Variants in RNF144A observed in about 807,000 individuals in gnomAD.
RNF144A encodes the protein ring finger protein 144A.
Under a neutral mutation model 38.7 loss-of-function variants are expected in RNF144A, and 11 were observed. That is an observed-to-expected ratio of 0.28 (90% CI 0.18 to 0.47). The LOEUF (loss-of-function observed/expected upper bound fraction) is 0.47. Among genes scored for constraint, RNF144A ranks in the 20% least tolerant of loss-of-function variants. The pLI, the probability that RNF144A is intolerant of heterozygous loss-of-function variation, is 0.99. For synonymous variants in RNF144A, 149 were observed against 143.9 expected (o/e 1.04, Z -0.25); for missense variants, 316 against 377.2 (o/e 0.84, Z 1.34).
At chr2:7,030,043 A>T in intron 7 of RNF144A, 83 bp from the exon 8 acceptor site, 1 of 947,710 alleles carries the variant, frequency 1.1e-6, no homozygotes, top group Non-Finnish European at 1.7e-6. Context: ...AGCATAGGAG[A>T]AGAAATGCAT....
chr2:6,989,305 C>T (rs968381770), intron 2 of RNF144A, among the ~76,000 whole-genome samples: 2 of 151,930 alleles, frequency 1.3e-5, no homozygotes, highest in African/African-American at 4.8e-5. Flanking sequence ...TTATCTGAGA[C>T]CTTCCACTCC....
At position 7,040,833 on chromosome 2, in the gene RNF144A, C is replaced by G. The variant is rs1252330537; in HGVS notation, c.*1073C>G. 1.0e-6 allele frequency: 1 copy of G among 985,336 alleles called. No homozygotes were observed. The highest frequency in any genetic ancestry group is 1.2e-6 in the Non-Finnish European group (1 of 829,942). The allele number at this position is 985,336 out of a possible 1,614,324, so 61.0% of individuals were successfully genotyped here. A position where few individuals can be genotyped will look rare whatever the true frequency, so the allele number is the denominator to read the frequency against. On this transcript the variant is annotated 3_prime_UTR_variant, in exon 9 of 9. Coordinates refer to ENST00000320892, the MANE Select transcript of RNF144A (RefSeq NM_014746.6). ...CTAGTCATTTTGAGAAATCATATAT[C>G]TTACACAGTTCCAAGTCCTGTTGCT... is the stretch of plus-strand genomic sequence containing the variant.
chr2:7,049,589 A>G (rs1047306398), intron 6 of RNF144A, among the ~76,000 whole-genome samples: 2 of 152,252 alleles, frequency 1.3e-5, no homozygotes, highest in Non-Finnish European at 2.9e-5. Flanking sequence ...ATGAGGTTGC[A>G]GTCAGAGTGG....
In RNF144A at chr2:7,043,362, C is replaced by G; in HGVS notation, c.*3602C>G. ...GAAGTCATTTTACAAATTAAAAAAA[C>G]ATTTTTTTCTTGGTAGTCTTTAAAA... On this transcript the variant is annotated 3_prime_UTR_variant, in exon 9 of 9. Transcript: ENST00000320892. 3.0e-6 allele frequency: 3 copies of G among 984,842 alleles called. No individual in the cohort carries two copies. The highest frequency in any genetic ancestry group is 3.6e-6 in the Non-Finnish European group (3 of 829,382). 61.0% of individuals were successfully genotyped at this position (984,842 alleles called of 1,614,324 possible).
At chr2:6,980,454 G>C (rs936053148) in intron 2 of RNF144A, among the ~76,000 whole-genome samples, 2 of 152,236 alleles carry the variant, frequency 1.3e-5, no homozygotes, top group Non-Finnish European at 2.9e-5. Context: ...CAAAACAAGG[G>C]GGCCAGAGGC....
Position 7,041,219 on chromosome 2 carries a change from G to T in RNF144A, c.*1459G>T. The T allele has an allele frequency of 1.0e-6, 1 of 985,310 alleles. No homozygotes were observed. The highest frequency in any genetic ancestry group is 1.2e-6 in the Non-Finnish European group (1 of 829,780). 61.0% of individuals were successfully genotyped at this position (985,310 alleles called of 1,614,324 possible). A position where few individuals can be genotyped will look rare whatever the true frequency, so the allele number is the denominator to read the frequency against. ...CAAAATCCTTTTATCTCAGTTATTT[G>T]CCCATCACAAGCACATTTTTAAAAT... On this transcript the variant is annotated 3_prime_UTR_variant, in exon 9 of 9. Coordinates refer to ENST00000320892, the MANE Select transcript of RNF144A (RefSeq NM_014746.6).
intron 8 of RNF144A, among the ~76,000 whole-genome samples, chr2:7,035,890 A>G (rs1051825876): frequency 2.0e-5 from 3 of 152,240 alleles, no homozygotes; most frequent in African/African-American, 7.2e-5. Context: ...TCTTTGTTGC[A>G]TAAAGTTATT....
intron 1 of RNF144A, among the ~76,000 whole-genome samples, chr2:6,924,596 G>A (rs1664746937): frequency 6.6e-6 from 1 of 152,200 alleles, no homozygotes; most frequent in Admixed American, 6.5e-5. Flanking sequence ...CAGGGCTGTT[G>A]GATGAACGCT....
chr2:6,971,040 G>T (rs1431800374), intron 2 of RNF144A, among the ~76,000 whole-genome samples: 1 of 152,034 alleles, frequency 6.6e-6, no homozygotes, highest in Non-Finnish European at 1.5e-5. Flanking sequence ...TTTTCTTTTT[G>T]CAAAGTGTAA....
intron 1 of RNF144A, among the ~76,000 whole-genome samples, chr2:6,934,474 A>G (rs1398315054): frequency 6.6e-6 from 1 of 152,222 alleles, no homozygotes; most frequent in African/African-American, 2.4e-5. Flanking sequence ...TTTTCCAAAT[A>G]GAAATATTAT....
intron 3 of RNF144A, among the ~76,000 whole-genome samples, chr2:7,000,196 T>C (rs546528158): frequency 6.6e-6 from 1 of 152,336 alleles, no homozygotes; most frequent in South Asian, 2.1e-4. Context: ...AGCTTGGGGA[T>C]GATGAGAGCT....
At chr2:6,968,975 T>C (rs1667837734) in intron 2 of RNF144A, among the ~76,000 whole-genome samples, 1 of 152,158 alleles carries the variant, frequency 6.6e-6, no homozygotes. Flanking sequence ...GAGCGCAGCA[T>C]GTGGTCTCAG....
intron 2 of RNF144A, among the ~76,000 whole-genome samples, chr2:6,979,684 G>A (rs1388441134): frequency 1.3e-5 from 2 of 152,238 alleles, no homozygotes; most frequent in Non-Finnish European, 2.9e-5. Flanking sequence ...ATGTGTACAT[G>A]AAAAGAATGT....
chr2:7,065,736 G>A (rs1674186493), intron 6 of RNF144A, among the ~76,000 whole-genome samples: 1 of 152,208 alleles, frequency 6.6e-6, no homozygotes, highest in African/African-American at 2.4e-5. Flanking sequence ...TTTATGGACA[G>A]TTATTATTTT....
chr2:7,040,728 T>C lies in RNF144A; in HGVS notation c.*968T>C, dbSNP rs1672995494. The C allele has an allele frequency of 3.0e-6, 3 of 985,448 alleles. No homozygotes were observed. Among genetic ancestry groups the C allele is most frequent in the African/African-American group, 1.7e-5 (1 of 57,360 alleles). The allele number at this position is 985,448 out of a possible 1,614,324, so 61.0% of individuals were successfully genotyped here. On this transcript the variant is annotated 3_prime_UTR_variant, in exon 9 of 9. Coordinates refer to ENST00000320892, the MANE Select transcript of RNF144A (RefSeq NM_014746.6). ...GAAAGCAGCCTCATTGATCCGCAGA[T>C]GTAGGGGCCTCTTGGCAGAGGCTGG...
chr2:6,921,679 T>A (rs1664549712), intron 1 of RNF144A, among the ~76,000 whole-genome samples: 1 of 151,982 alleles, frequency 6.6e-6, no homozygotes, highest in African/African-American at 2.4e-5. Flanking sequence ...GATTGAACCG[T>A]GGGGTCAGGG....
At chr2:7,055,244 T>A (rs1452288674) in intron 6 of RNF144A, among the ~76,000 whole-genome samples, 1 of 152,200 alleles carries the variant, frequency 6.6e-6, no homozygotes, top group African/African-American at 2.4e-5. Flanking sequence ...GTAAGCTTTC[T>A]TTTCCAGGCA....
chr2:7,048,752 T>G (rs1673405880), downstream of RNF144A, among the ~76,000 whole-genome samples: 1 of 152,210 alleles, frequency 6.6e-6, no homozygotes, highest in South Asian at 2.1e-4. Context: ...TGAAGCAGAA[T>G]TAATCCAAGA....
At chr2:7,000,154 C>T (rs1670009795) in intron 3 of RNF144A, among the ~76,000 whole-genome samples, 1 of 152,212 alleles carries the variant, frequency 6.6e-6, no homozygotes, top group Non-Finnish European at 1.5e-5. Flanking sequence ...AGAGCCTGTG[C>T]ACATGTTCCA....
Sources: gnomAD v4.1 joint callset for allele counts (sites outside exome capture counted in the v4.1 genomes callset) on GRCh38, gnomAD v4.1.1 for gene constraint, MANE v1.5 for transcripts, NCBI Gene and HGNC (gene_info 2026-07-23, HGNC 2026-07-21) for gene names.